The following C9orf85 variants were observed in gnomAD, a reference collection of about 807,000 sequenced individuals.
C9orf85 encodes the protein chromosome 9 open reading frame 85, also known as uncharacterized protein C9orf85.
In C9orf85, 16 loss-of-function variants were observed where a neutral mutation model predicts 14.9. That is an observed-to-expected ratio of 1.08 (90% CI 0.73 to 1.63). The LOEUF (loss-of-function observed/expected upper bound fraction) is 1.63. C9orf85 is among the 40% of genes most tolerant of loss of function. The pLI, the probability that C9orf85 is intolerant of heterozygous loss-of-function variation, is 0.00. For missense variants in C9orf85, 172 were observed against 186.1 expected (o/e 0.92, Z 0.44); for synonymous variants, 45 against 56.8 (o/e 0.79, Z 0.93).
Position 71,972,675 on chromosome 9 carries a change from T to A in C9orf85, c.324-17T>A. On this transcript the variant is annotated splice_polypyrimidine_tract_variant and intron_variant, in intron 3 of 3. Transcript: ENST00000334731. ...ATAGCCTGGGAAATAAATAGAAATT[T>A]TTTCTTTCATCTTTAGGTTGAATAA... 1 of 1,524,966 alleles carries A rather than the reference T, an allele frequency of 6.6e-7. No individual in the cohort carries two copies. Among genetic ancestry groups the A allele is most frequent in the Admixed American group, 2.0e-5 (1 of 50,218 alleles). The allele number at this position is 1,524,966 out of a possible 1,614,324, so 94.5% of individuals were successfully genotyped here. A position where few individuals can be genotyped will look rare whatever the true frequency, so the allele number is the denominator to read the frequency against.
chr9:71,918,986 A>G (rs915216940), intron 1 of C9orf85, among the ~76,000 whole-genome samples: 14 of 151,698 alleles, frequency 9.2e-5, no homozygotes, highest in Non-Finnish European at 2.1e-4. Context: ...GGTGCCAAAA[A>G]GGTTGGGGAC....
chr9:71,911,671 C>T lies in C9orf85; in HGVS notation c.-64C>T. 3 of 1,350,038 alleles carry T rather than the reference C, an allele frequency of 2.2e-6. No homozygotes were observed. Among genetic ancestry groups the T allele is most frequent in the Non-Finnish European group, 3.2e-6 (3 of 939,826 alleles). 83.6% of individuals were successfully genotyped at this position (1,350,038 alleles called of 1,614,324 possible). A position where few individuals can be genotyped will look rare whatever the true frequency, so the allele number is the denominator to read the frequency against. On this transcript the variant is annotated 5_prime_UTR_variant, in exon 1 of 4. Coordinates refer to ENST00000334731, the MANE Select transcript of C9orf85 (RefSeq NM_182505.5). The stretch of plus-strand genomic sequence containing the variant: ...GAAGCGTCAATTCCTGGGAGTAGTT[C>T]GTTGGTTTTCTTTCCCCTCATCCTT...
At chr9:71,972,504 A>G (rs772150363) in intron 3 of C9orf85, among the ~76,000 whole-genome samples, 188 bp from the exon 4 acceptor site, 3 of 152,144 alleles carry the variant, frequency 2.0e-5, no homozygotes, top group Non-Finnish European at 2.9e-5. Flanking sequence ...GGTGATCTGC[A>G]CGCCTTGGTC....
At chr9:71,933,760 C>T (rs1369928955) in intron 1 of C9orf85, among the ~76,000 whole-genome samples, 1 of 152,170 alleles carries the variant, frequency 6.6e-6, no homozygotes. Context: ...GCGCATAGAC[C>T]TCAGATAAGA....
At chr9:71,963,913 G>A (rs1335162477) in intron 2 of C9orf85, among the ~76,000 whole-genome samples, 1 of 152,182 alleles carries the variant, frequency 6.6e-6, no homozygotes, top group African/African-American at 2.4e-5. Context: ...CCCAAGGGCT[G>A]AGGAGTGCGG....
chr9:71,964,719 C>T (rs1338943087), intron 2 of C9orf85, among the ~76,000 whole-genome samples: 1 of 152,170 alleles, frequency 6.6e-6, no homozygotes, highest in Non-Finnish European at 1.5e-5. Context: ...ACCAAGAACC[C>T]ACCAATTCCG....
At chr9:71,913,244 T>A (rs138673205) in intron 1 of C9orf85, among the ~76,000 whole-genome samples, 144 of 152,322 alleles carry the variant, frequency 9.5e-4, no homozygotes, top group African/African-American at 3.2e-3. Context: ...TGGTAACCTG[T>A]GATCTCCTTT....
chr9:71,965,323 G>T (rs1202460425), intron 2 of C9orf85, among the ~76,000 whole-genome samples: 1 of 152,076 alleles, frequency 6.6e-6, no homozygotes, highest in East Asian at 1.9e-4. Flanking sequence ...TGATTCGTCG[G>T]GTGTGAGTTT....
intron 1 of C9orf85, among the ~76,000 whole-genome samples, chr9:71,916,516 G>A (rs145269476): frequency 0.01 from 1,558 of 152,104 alleles, 27 homozygotes; most frequent in Non-Finnish European, 0.014. Context: ...GCTATGGAAC[G>A]CTTTGATTTA....
At chr9:71,946,579 G>T (rs1822091723) in intron 1 of C9orf85, among the ~76,000 whole-genome samples, 1 of 152,064 alleles carries the variant, frequency 6.6e-6, no homozygotes, top group South Asian at 2.1e-4. Flanking sequence ...TGAATCATGA[G>T]CTCAGGAGTT....
intron 3 of C9orf85, among the ~76,000 whole-genome samples, chr9:71,979,328 A>T (rs1823056513): frequency 6.6e-6 from 1 of 152,184 alleles, no homozygotes; most frequent in African/African-American, 2.4e-5. Flanking sequence ...GTGTAAACTT[A>T]TTGTGAGTAT....
intron 2 of C9orf85, among the ~76,000 whole-genome samples, chr9:71,952,270 C>T (rs996215109): frequency 3.9e-5 from 6 of 152,186 alleles, no homozygotes; most frequent in African/African-American, 1.4e-4. Context: ...TTAATTTTTA[C>T]AAATATCACC....
chr9:71,949,182 A>C (rs1223767244), intron 2 of C9orf85, among the ~76,000 whole-genome samples: 1 of 152,198 alleles, frequency 6.6e-6, no homozygotes, highest in African/African-American at 2.4e-5. Flanking sequence ...GTTGTTTCCT[A>C]AAAGAATTTG....
At position 71,911,871 on chromosome 9, in the gene C9orf85, A is replaced by G. The variant is rs60839567; in HGVS notation, c.102+35A>G. ...TGCCTGTTGCACCGTCTTTGACTCC[A>G]GGAAGGAATGGCTCACTGGAGAGGG... On this transcript the variant is annotated intron_variant, in intron 1 of 3. Transcript: ENST00000334731. 3,967 of 1,579,810 alleles carry G rather than the reference A, an allele frequency of 2.5e-3. 78 individuals carry two copies. The African/African-American group carries it at 0.044, about 17-fold the overall frequency.
At chr9:71,970,674 G>T (rs924187581) in intron 2 of C9orf85, among the ~76,000 whole-genome samples, 6 of 151,850 alleles carry the variant, frequency 4.0e-5, no homozygotes, top group African/African-American at 1.5e-4. Flanking sequence ...AGATTGTTTT[G>T]GCTATCCTGG....
chr9:71,956,365 T>C (rs1822382309), intron 2 of C9orf85, among the ~76,000 whole-genome samples: 1 of 147,654 alleles, frequency 6.8e-6, no homozygotes, highest in Non-Finnish European at 1.5e-5. Context: ...TTCTCCTGCC[T>C]CAGCCTCCCA....
chr9:71,921,928 T>TTATTATTATTATTATTA lies in C9orf85; in HGVS notation c.102+10093_102+10094insATTATTATTATTATTAT, dbSNP rs1554705990. 3.2e-3 allele frequency among the ~76,000 whole-genome samples: 368 copies of TTATTATTATTATTATTA among 113,860 alleles called. 3 individuals carry two copies. The highest frequency in any genetic ancestry group is 0.01 in the African/African-American group (350 of 33,566). The allele number at this position is 113,860 out of a possible 152,430, so 74.7% of individuals were successfully genotyped here. A position where few individuals can be genotyped will look rare whatever the true frequency, so the allele number is the denominator to read the frequency against. ...GTTTTGGTTGGCTTTTTATTTTTTT[T>TTATTATTATTATTATTA]TTATTATTATTATTATTATTATTAT... On this transcript the variant is annotated intron_variant, in intron 1 of 3. Coordinates refer to ENST00000334731, the MANE Select transcript of C9orf85 (RefSeq NM_182505.5).
downstream of C9orf85, among the ~76,000 whole-genome samples, chr9:71,975,849 C>A (rs1304906043): frequency 2.6e-5 from 4 of 152,100 alleles, no homozygotes; most frequent in South Asian, 6.2e-4. Context: ...AATAAATTTT[C>A]TGTCCATAAA....
intron 1 of C9orf85, among the ~76,000 whole-genome samples, chr9:71,934,635 G>A (rs1828147224): frequency 6.6e-6 from 1 of 152,136 alleles, no homozygotes; most frequent in African/African-American, 2.4e-5. Context: ...TTGGGAGGCT[G>A]AGGCAGGTGG....
Sources: allele counts gnomAD v4.1 joint callset (sites outside exome capture counted in the v4.1 genomes callset), GRCh38; gene constraint gnomAD v4.1.1; transcripts MANE v1.5; gene names NCBI Gene and HGNC (gene_info 2026-07-23, HGNC 2026-07-21).